TMC1: variants seen among roughly 807,000 people sequenced by gnomAD.
The protein encoded by TMC1 is transmembrane channel like 1, also known as transmembrane channel-like protein 1.
In TMC1, 84 loss-of-function variants were observed where a neutral mutation model predicts 105.8. The ratio of observed to expected loss-of-function variants is 0.79; its 90% CI spans 0.67 to 0.95. TMC1 has a LOEUF of 0.95. Among genes scored for constraint, TMC1 ranks in the 40% least tolerant of loss-of-function variants. The pLI is 0.00. For synonymous variants in TMC1, 315 were observed against 311.5 expected, an observed-to-expected ratio of 1.01 and a Z score of -0.12; for missense variants, 817 against 914.1, an observed-to-expected ratio of 0.89 and a Z score of 1.37.
intron 1 of TMC1, among the ~76,000 whole-genome samples, chr9:72,564,798 G>GA (rs898009808): frequency 6.6e-6 from 1 of 152,180 alleles, no homozygotes; most frequent in African/African-American, 2.4e-5. Context: ...CAAGAATCAG[G>GA]AAGTTGGCCT....
intron 10 of TMC1, among the ~76,000 whole-genome samples, chr9:72,748,426 G>A (rs1471220037): frequency 6.6e-6 from 1 of 152,090 alleles, no homozygotes; most frequent in Admixed American, 6.5e-5. Context: ...TTCATAGTGG[G>A]ACTAATAATA....
chr9:72,656,202 G>A (rs960698858), intron 5 of TMC1: 4 of 529,628 alleles, frequency 7.6e-6, no homozygotes, highest in Non-Finnish European at 1.5e-5. Flanking sequence ...TCACTGCTGC[G>A]CGGCTTCCTG....
chr9:72,665,664 C>T (rs568858876), intron 5 of TMC1, among the ~76,000 whole-genome samples: 2 of 152,204 alleles, frequency 1.3e-5, no homozygotes, highest in African/African-American at 2.4e-5. Context: ...AGGCTCTAGT[C>T]AGGAGACCTG....
At chr9:72,553,207 A>T (rs1823884020) in intron 1 of TMC1, among the ~76,000 whole-genome samples, 1 of 152,128 alleles carries the variant, frequency 6.6e-6, no homozygotes, top group Non-Finnish European at 1.5e-5. Context: ...TCCCAACCTC[A>T]GGTGATCCAC....
At chr9:72,757,899 C>T (rs1046582365) in intron 12 of TMC1, among the ~76,000 whole-genome samples, 2 of 152,172 alleles carry the variant, frequency 1.3e-5, no homozygotes, top group African/African-American at 4.8e-5. Flanking sequence ...TGGTATTACA[C>T]ACGGTAATGT....
chr9:72,719,611 AG>A (rs1347718988), intron 8 of TMC1, among the ~76,000 whole-genome samples: 3 of 152,170 alleles, frequency 2.0e-5, no homozygotes, highest in Non-Finnish European at 2.9e-5. Context: ...TGACTTTCCC[AG>A]TATATTTCTG....
chr9:72,755,101 AAAG>A (rs1827657521), intron 12 of TMC1, among the ~76,000 whole-genome samples: 1 of 150,834 alleles, frequency 6.6e-6, no homozygotes, highest in Non-Finnish European at 1.5e-5. Flanking sequence ...AGAGAGAAAG[AAAG>A]AAAGAAAGAG....
chr9:72,738,056 A>G (rs1827328716), intron 8 of TMC1, among the ~76,000 whole-genome samples: 1 of 152,156 alleles, frequency 6.6e-6, no homozygotes, highest in African/African-American at 2.4e-5. Context: ...GTCTACATCT[A>G]CCCCAAACTA....
Position 72,830,668 on chromosome 9 carries a change from C to T in TMC1, c.2246C>T (p.Ala749Val), listed in dbSNP as rs778706687. 1.9e-6 allele frequency: 3 copies of T among 1,612,946 alleles called. No individual in the cohort carries two copies. The highest frequency in any genetic ancestry group is 2.5e-6 in the Non-Finnish European group (3 of 1,179,624). Residue 749 changes from alanine (A) to valine (V), a missense_variant, in exon 23 of 24, where the codon GCA (alanine) becomes GTA (valine). Coordinates refer to ENST00000297784, the MANE Select transcript of TMC1 (RefSeq NM_138691.3). ...LENKMRNKKM[A>V]AARAAAAAGR... ...AACAAAATGCGAAACAAGAAAATGG[C>T]AGCTGCACGAGCAGGTTGGAGATAC...
At chr9:72,746,935 A>G (rs894747859) in intron 10 of TMC1, among the ~76,000 whole-genome samples, 2 of 152,126 alleles carry the variant, frequency 1.3e-5, no homozygotes, top group Non-Finnish European at 1.5e-5. Flanking sequence ...TGAACTGTGT[A>G]TTTTTCTGAA....
At chr9:72,740,449 T>C (rs918582723) in intron 9 of TMC1, among the ~76,000 whole-genome samples, 1 of 152,198 alleles carries the variant, frequency 6.6e-6, no homozygotes, top group Non-Finnish European at 1.5e-5. Context: ...AAAGACTTAC[T>C]TGTGTGACTT....
intron 13 of TMC1, among the ~76,000 whole-genome samples, chr9:72,787,285 A>G (rs567644978): frequency 1.3e-5 from 2 of 152,340 alleles, no homozygotes; most frequent in East Asian, 1.9e-4. Context: ...AAAGTGGTAG[A>G]TGGATGAAAG....
At chr9:72,622,896 A>T (rs1825278859) in intron 3 of TMC1, among the ~76,000 whole-genome samples, 1 of 151,908 alleles carries the variant, frequency 6.6e-6, no homozygotes, top group South Asian at 2.1e-4. Flanking sequence ...ACTCAAAAGT[A>T]CAAAAATTAG....
chr9:72,821,909 A>C (rs555208659), intron 20 of TMC1, among the ~76,000 whole-genome samples: 2 of 152,362 alleles, frequency 1.3e-5, no homozygotes, highest in African/African-American at 4.8e-5. Flanking sequence ...AGGGCCACCC[A>C]ATTTGTTATC....
chr9:72,825,860 A>G (rs998791107), intron 20 of TMC1, among the ~76,000 whole-genome samples: 5 of 150,964 alleles, frequency 3.3e-5, no homozygotes, highest in African/African-American at 9.8e-5. Flanking sequence ...TGTGAAGCAA[A>G]ACTTGTACCT....
At chr9:72,532,573 A>AAC (rs1823517504) in intron 1 of TMC1, among the ~76,000 whole-genome samples, 2 of 110,854 alleles carry the variant, frequency 1.8e-5, no homozygotes, top group African/African-American at 7.8e-5. Context: ...AAAAAAAAAA[A>AAC]AAAAAAAAAA....
intron 5 of TMC1, among the ~76,000 whole-genome samples, chr9:72,650,933 T>TAGATATATATATAAATATATAC (rs1306725035): frequency 6.9e-6 from 1 of 144,252 alleles, no homozygotes; most frequent in East Asian, 2.0e-4. Flanking sequence ...TAAATATATA[T>TAGATATATATATAAATATATAC]AGGTATATAT....
chr9:72,786,386 T>C (rs1031779865), intron 13 of TMC1, among the ~76,000 whole-genome samples: 32 of 151,970 alleles, frequency 2.1e-4, no homozygotes, highest in South Asian at 2.1e-4. Flanking sequence ...GGAGCTTGCA[T>C]TGAGCCGAGA....
At chr9:72,816,038 C>T (rs1828781920) in intron 18 of TMC1, 105 bp from the exon 19 acceptor site, 3 of 933,872 alleles carry the variant, frequency 3.2e-6, no homozygotes, top group Non-Finnish European at 3.5e-6. Context: ...GCTATTGTTG[C>T]TGAAGGGAAG....
Sources: allele counts gnomAD v4.1 joint callset (sites outside exome capture counted in the v4.1 genomes callset), GRCh38; gene constraint gnomAD v4.1.1; transcripts MANE v1.5; gene names NCBI Gene and HGNC (gene_info 2026-07-23, HGNC 2026-07-21).